COL11A2: variants seen among roughly 807,000 people sequenced by gnomAD.
COL11A2 encodes the protein collagen type XI alpha 2 chain.
COL11A2 carries 116 observed loss-of-function variants against 273.4 expected under a neutral mutation model. The ratio of observed to expected loss-of-function variants is 0.42; its 90% CI spans 0.36 to 0.49. COL11A2 has a LOEUF of 0.49. Ranked by LOEUF, COL11A2 falls within the 20% of genes least tolerant of loss-of-function variation. The pLI is 0.00. For synonymous variants in COL11A2, 782 were observed against 864.2 expected (o/e 0.90, Z 1.67); for missense variants, 1,866 against 2,309.0 (o/e 0.81, Z 3.93).
At chr6:33,192,474 G>A (rs1003854313), upstream of COL11A2, 15 of 573,802 alleles carry the variant, frequency 2.6e-5, no homozygotes, top group Middle Eastern at 4.6e-4. Flanking sequence ...GTGTGTCCCC[G>A]GCCACCCTGG....
intron 3 of COL11A2, 131 bp from the exon 4 acceptor site, chr6:33,188,655 T>C (rs926963178): frequency 6.7e-6 from 7 of 1,048,928 alleles, no homozygotes; most frequent in Non-Finnish European, 1.0e-5. Flanking sequence ...CTACCATTTA[T>C]TGAGTGTTTA....
Position 33,167,803 on chromosome 6 carries a change from G to A in COL11A2, c.4010C>T (p.Ala1337Val), listed in dbSNP as rs756855492. The change falls in exon 55 of 66, where the codon GCC (alanine) becomes GTC (valine). Residue 1337 changes from alanine to valine, a missense_variant. Transcript: ENST00000341947. The surrounding 1 kb of genome is among the most constrained non-coding windows in gnomAD (Gnocchi z 6.1). ...GSEGRQGGKG[A>V]KGDPGAIGAP... ...CTAGGGCAGCCTGTCCCTCACCTTG[G>A]CTCCCTTCCCTCCTTGTCGCCCCTC... 11 of 1,612,802 alleles carry A rather than the reference G, an allele frequency of 6.8e-6. No individual in the cohort carries two copies. The highest frequency in any genetic ancestry group is 2.2e-5 in the East Asian group (1 of 44,870).
Position 33,173,978 on chromosome 6 carries a change from C to A in COL11A2, c.2529+33G>T. On this transcript the variant is annotated intron_variant, in intron 33 of 65. Coordinates refer to ENST00000341947, the MANE Select transcript of COL11A2 (RefSeq NM_080680.3). The surrounding 1 kb of genome is among the most constrained non-coding windows in gnomAD (Gnocchi z 6.3). ...GAAACCCAAATGCCCCCCTCTGGACCTTGAGCCACCTGTTTCTCTCCCCTG... is the reference window on the plus strand; with the variant it reads ...GAAACCCAAATGCCCCCCTCTGGACATTGAGCCACCTGTTTCTCTCCCCTG... 1 of 1,614,078 alleles carries A rather than the reference C, an allele frequency of 6.2e-7. No individual in the cohort carries two copies. Among genetic ancestry groups the A allele is most frequent in the Non-Finnish European group, 8.5e-7 (1 of 1,180,000 alleles).
Position 33,178,934 on chromosome 6 carries a change from C to A in COL11A2, c.1651G>T (p.Asp551Tyr), listed in dbSNP as rs768264467. The A allele has an allele frequency of 6.2e-7, 1 of 1,614,110 alleles. No homozygotes were observed. Among genetic ancestry groups the A allele is most frequent in the South Asian group, 1.1e-5 (1 of 91,088 alleles). The change falls in exon 17 of 66, where the codon GAT becomes TAT. Residue 551 changes from aspartate to tyrosine, a missense_variant. Transcript: ENST00000341947. The surrounding 1 kb of genome is among the most constrained non-coding windows in gnomAD (Gnocchi z 4.6). ...GADGARGMPG[D>Y]PGVKGDRGFD... is the part of the protein sequence containing the mutation. The stretch of plus-strand genomic sequence containing the variant: ...AAGCCTGTTACCTTCACTCCAGGAT[C>A]TCCAGGCATCCCTCGGGCTCCATCA...
chr6:33,172,478 G>T (rs993682928), intron 39 of COL11A2, 52 bp downstream of exon 39: 4 of 1,581,936 alleles, frequency 2.5e-6, no homozygotes, highest in Admixed American at 3.3e-5. Flanking sequence ...GTTCCTTTCA[G>T]CACCCCAATC....
In COL11A2 at chr6:33,184,304, G is replaced by T; in HGVS notation, c.960C>A (p.Val320=). Residue 320 remains valine (V), a synonymous_variant, in exon 8 of 66, where the codon GTC becomes GTA. Coordinates refer to ENST00000341947, the MANE Select transcript of COL11A2 (RefSeq NM_080680.3). ...CCTGGAACCTGTCGGCTGTGGGGGG[G>T]ACCTGGAGATCTGTCTGCTCCTTCC... ...PLEEEQTDLQ[V]PPTADRFQAE... is the part of the protein sequence containing the mutation. The T allele has an allele frequency of 1.5e-6, 2 of 1,367,554 alleles. No homozygotes were observed. Among genetic ancestry groups the T allele is most frequent in the South Asian group, 1.1e-5 (1 of 88,048 alleles). 84.7% of individuals were successfully genotyped at this position (1,367,554 alleles called of 1,614,324 possible).
chr6:33,181,543 C>T (rs781680547), intron 8 of COL11A2, among the ~76,000 whole-genome samples: 5 of 152,088 alleles, frequency 3.3e-5, no homozygotes, highest in Admixed American at 6.5e-5. Flanking sequence ...GGCGCGATCT[C>T]GGCTCACTAC....
Position 33,166,514 on chromosome 6 carries a change from G to C in COL11A2, c.4391C>G (p.Pro1464Arg), listed in dbSNP as rs944163816. The C allele has an allele frequency of 6.2e-7, 1 of 1,613,388 alleles. No individual in the cohort carries two copies. The highest frequency in any genetic ancestry group is 1.3e-5 in the African/African-American group (1 of 74,838). The change falls in exon 60 of 66, where the codon CCC (proline) becomes CGC (arginine). Residue 1464 changes from proline (P) to arginine (R), a missense_variant and splice_region_variant. Coordinates refer to ENST00000341947, the MANE Select transcript of COL11A2 (RefSeq NM_080680.3). This position sits in a 1 kb window ranked among gnomAD's most constrained non-coding sequence, Gnocchi z 4.8. ...PIGPGGPPGLPGPAGPKGAKG... is the reference protein window; with the variant it reads ...PIGPGGPPGLRGPAGPKGAKG... ...TGGAGGAACAGAGGCAGTACTCACG[G>C]GGAGGCCGGGGGGACCTCCAGGACC...
rs1453156139 is a variant in COL11A2, at chr6:33,170,856, T to C, written c.3428A>G (p.Glu1143Gly). Residue 1143 changes from glutamate (E) to glycine (G), a missense_variant, in exon 46 of 66, where the codon GAA becomes GGA. Transcript: ENST00000341947. This position sits in a 1 kb window ranked among gnomAD's most constrained non-coding sequence, Gnocchi z 4.3. ...PQGHFGAKGD[E>G]GTRGFNGPPG... ...GGGCCCATTGAATCCTCTTGTTCCT[T>C]CATCACCTTTGGCTCCAAAGTGTCC... 10 of 1,612,778 alleles carry C rather than the reference T, an allele frequency of 6.2e-6. No individual in the cohort carries two copies. Among genetic ancestry groups the C allele is most frequent in the African/African-American group, 2.7e-5 (2 of 74,852 alleles).
At position 33,189,009 on chromosome 6, in the gene COL11A2, C is replaced by G; in HGVS notation, c.412G>C (p.Val138Leu). ...TCTGCTAGGCTGAGGCCTCGGAAGA[C>G]TGGCTGAGAGGGAGGTTGAGGCCGC... ...TGRPQPPSQP[V>L]FRGLSLADGK... Residue 138 changes from valine (V) to leucine (L), a missense_variant, in exon 3 of 66, where the codon GTC (valine) becomes CTC (leucine). Coordinates refer to ENST00000341947, the MANE Select transcript of COL11A2 (RefSeq NM_080680.3). This position sits in a 1 kb window ranked among gnomAD's most constrained non-coding sequence, Gnocchi z 5.6. 6.2e-7 allele frequency: 1 copy of G among 1,614,210 alleles called. No homozygotes were observed. The highest frequency in any genetic ancestry group is 8.5e-7 in the Non-Finnish European group (1 of 1,180,038).
Position 33,164,743 on chromosome 6 carries a change from C to T in COL11A2, c.4863+109G>A. The T allele has an allele frequency of 2.1e-6, 2 of 948,490 alleles. No homozygotes were observed. The highest frequency in any genetic ancestry group is 2.7e-5 in the East Asian group (1 of 37,704). The allele number at this position is 948,490 out of a possible 1,614,324, so 58.8% of individuals were successfully genotyped here. On this transcript the variant is annotated intron_variant, in intron 64 of 65. Coordinates refer to ENST00000341947, the MANE Select transcript of COL11A2 (RefSeq NM_080680.3). The surrounding 1 kb of genome is among the most constrained non-coding windows in gnomAD (Gnocchi z 4.7). Reference sequence around the variant, plus strand: ...TAAGAAGTGGAGAAGGGGTGGCAGGCTCCGGGGGGGGCAACAGCCAGGGGA... The same window carrying T: ...TAAGAAGTGGAGAAGGGGTGGCAGGTTCCGGGGGGGGCAACAGCCAGGGGA...
At position 33,177,489 on chromosome 6, in the gene COL11A2, G is replaced by A. The variant is rs1036528128; in HGVS notation, c.1918-24C>T. 2 of 1,612,266 alleles carry A rather than the reference G, an allele frequency of 1.2e-6. No homozygotes were observed. The highest frequency in any genetic ancestry group is 1.7e-6 in the Non-Finnish European group (2 of 1,179,496). On this transcript the variant is annotated intron_variant, in intron 22 of 65. Coordinates refer to ENST00000341947, the MANE Select transcript of COL11A2 (RefSeq NM_080680.3). This position sits in a 1 kb window ranked among gnomAD's most constrained non-coding sequence, Gnocchi z 5.9. ...CCCTAGAAACAGGTGACCAGGCACA[G>A]GTCAGAAGGAGATGGAGATAGAACA...
Position 33,189,242 on chromosome 6 carries a change from C to T in COL11A2, c.233-54G>A. 2 of 1,612,874 alleles carry T rather than the reference C, an allele frequency of 1.2e-6. No individual in the cohort carries two copies. Among genetic ancestry groups the T allele is most frequent in the Non-Finnish European group, 1.7e-6 (2 of 1,179,064 alleles). On this transcript the variant is annotated intron_variant, in intron 2 of 65. Coordinates refer to ENST00000341947, the MANE Select transcript of COL11A2 (RefSeq NM_080680.3). The surrounding 1 kb of genome is among the most constrained non-coding windows in gnomAD (Gnocchi z 5.6). The stretch of plus-strand genomic sequence containing the variant: ...TGAGAGGCAAAGGGAGCCGCCACAA[C>T]CCCTTTCCTCCTGGTGTCTGATCCT...
chr6:33,192,332 T>C lies in COL11A2; in HGVS notation c.-92A>G, dbSNP rs886061319. The C allele has an allele frequency of 1.6e-6, 2 of 1,265,996 alleles. No individual in the cohort carries two copies. The highest frequency in any genetic ancestry group is 2.2e-6 in the Non-Finnish European group (2 of 895,710). The allele number at this position is 1,265,996 out of a possible 1,614,324, so 78.4% of individuals were successfully genotyped here. On this transcript the variant is annotated 5_prime_UTR_variant, in exon 1 of 66. Coordinates refer to ENST00000341947, the MANE Select transcript of COL11A2 (RefSeq NM_080680.3). ...CTGACAGAAGACAGGGAGCAGACTA[T>C]GAGCCTCAGACGCCGGGGTCCCAGG...
Position 33,165,696 on chromosome 6 carries a change from C to T in COL11A2, c.4603G>A (p.Gly1535Ser), listed in dbSNP as rs749448524. 6 of 1,611,096 alleles carry T rather than the reference C, an allele frequency of 3.7e-6. No individual in the cohort carries two copies. Among genetic ancestry groups the T allele is most frequent in the Admixed American group, 3.3e-5 (2 of 60,004 alleles). ...DEAIPTGGAP[G>S]SPGGLEEIFG... ...ATCTCCTCCAGCCCCCCAGGACTGC[C>T]GGGGGCTCCCCCGGTCGGTATGGCC... The change falls in exon 63 of 66, where the codon GGC (glycine) becomes AGC (serine). Residue 1535 changes from glycine (G) to serine (S), a missense_variant. By Grantham distance (56) the Gly-to-Ser change is moderately conservative. Transcript: ENST00000341947. This position sits in a 1 kb window ranked among gnomAD's most constrained non-coding sequence, Gnocchi z 7.7.
chr6:33,174,432 CA>C, intron 31 of COL11A2, 94 bp downstream of exon 31: 1 of 1,513,838 alleles, frequency 6.6e-7, no homozygotes, highest in African/African-American at 1.4e-5. Flanking sequence ...TGGGGTCCCC[CA>C]CTGCCCTGCA....
At chr6:33,174,472 G>C in intron 31 of COL11A2, 55 bp downstream of exon 31, 1 of 1,596,594 alleles carries the variant, frequency 6.3e-7, no homozygotes, top group South Asian at 1.1e-5. Flanking sequence ...AGGGATCAGG[G>C]AAGCGAAGAG....
upstream of COL11A2, among the ~76,000 whole-genome samples, chr6:33,192,972 G>C (rs1050456996): frequency 6.6e-6 from 1 of 152,190 alleles, no homozygotes; most frequent in Admixed American, 6.5e-5. Flanking sequence ...TGGGGCGGGG[G>C]ATGTGGGGGA....
At position 33,168,748 on chromosome 6, in the gene COL11A2, A is replaced by G. The variant is rs781270774; in HGVS notation, c.3864T>C (p.Gly1288=). 8.1e-6 allele frequency: 13 copies of G among 1,596,120 alleles called. No individual in the cohort carries two copies. The South Asian group carries it at 1.4e-4, about 17-fold the overall frequency. ...CATCCTCGCCTCGGTCACCCTTAGC[A>G]CCATCCTGGCCCTGCAGAAGTGAAG... The part of the protein sequence containing the change: ...PGEGGPRGQD[G]AKGDRGEDGE... Residue 1288 remains glycine (G), a synonymous_variant, in exon 53 of 66, where the codon GGT becomes GGC. Transcript: ENST00000341947.
Sources: gnomAD v4.1 joint callset for allele counts (sites outside exome capture counted in the v4.1 genomes callset) on GRCh38, gnomAD v4.1.1 for gene constraint, Gnocchi (gnomAD v3.1) non-coding constraint, MANE v1.5 for transcripts, NCBI Gene and HGNC (gene_info 2026-07-23, HGNC 2026-07-21) for gene names.